NBEA: variants seen among roughly 807,000 people sequenced by gnomAD.
NBEA encodes the protein neurobeachin, also known as lysosomal-trafficking regulator 2.
Under a neutral mutation model 343.4 loss-of-function variants are expected in NBEA, and 44 were observed. That is an observed-to-expected ratio of 0.13 (90% CI 0.10 to 0.16). NBEA has a LOEUF of 0.16. Ranked by LOEUF, NBEA falls within the 10% of genes least tolerant of loss-of-function variation. NBEA has a pLI of 1.00. For missense variants in NBEA, 2,555 were observed against 3,631.3 expected (o/e 0.70, Z 7.62); for synonymous variants, 1,175 against 1,238.7 (o/e 0.95, Z 1.08).
At chr13:35,334,178 TC>T (rs1299720423) in intron 36 of NBEA, among the ~76,000 whole-genome samples, 2 of 152,234 alleles carry the variant, frequency 1.3e-5, no homozygotes, top group Non-Finnish European at 2.9e-5. Context: ...GTATGAGGGT[TC>T]CTTTTTCTCC....
chr13:35,321,796 A>C (rs187621343), intron 36 of NBEA, among the ~76,000 whole-genome samples: 1 of 152,186 alleles, frequency 6.6e-6, no homozygotes, highest in African/African-American at 2.4e-5. Flanking sequence ...TACTCTGCCC[A>C]GAGATGAAGA....
rs936501193 is a variant in NBEA, at chr13:35,374,388, G to A, written c.6179+22065G>A. ...TCACTAATCACAGATTACCATAACA[G>A]ATATTTTAGAAAGTTTTAAATATTG... On this transcript the variant is annotated intron_variant, in intron 38 of 58. Coordinates refer to ENST00000379939, the MANE Select transcript of NBEA (RefSeq NM_001385012.1). Among the ~76,000 whole-genome samples the A allele has an allele frequency of 1.3e-4, 20 of 152,288 alleles. 1 individual carries two copies. Among genetic ancestry groups the A allele is most frequent in the South Asian group, 4.1e-4 (2 of 4,824 alleles).
At position 35,407,656 on chromosome 13, in the gene NBEA, C is replaced by A. The variant is rs376726315; in HGVS notation, c.6180-24613C>A. Among the ~76,000 whole-genome samples the A allele has an allele frequency of 7.2e-5, 11 of 152,128 alleles. No homozygotes were observed. The East Asian group carries it at 1.9e-3, about 27-fold the overall frequency. On this transcript the variant is annotated intron_variant, in intron 38 of 58. Transcript: ENST00000379939. Reference sequence around the variant, plus strand: ...CTTTAACATTTCTGGTATAAATATACCTTGTCCTTTAAAAATTACTGCATA... The same window carrying A: ...CTTTAACATTTCTGGTATAAATATAACTTGTCCTTTAAAAATTACTGCATA...
chr13:34,954,528 A>G (rs1156418646), intron 1 of NBEA, among the ~76,000 whole-genome samples: 1 of 151,772 alleles, frequency 6.6e-6, no homozygotes, highest in African/African-American at 2.4e-5. Flanking sequence ...TAATTTCTAC[A>G]TTTTCCTCTT....
intron 10 of NBEA, among the ~76,000 whole-genome samples, chr13:35,072,490 A>G (rs2063914676): frequency 6.6e-6 from 1 of 152,024 alleles, no homozygotes; most frequent in African/African-American, 2.4e-5. Flanking sequence ...AATCATCCTA[A>G]TATTTCCCTA....
At chr13:35,506,644 T>G (rs371224125) in intron 41 of NBEA, among the ~76,000 whole-genome samples, 3 of 152,182 alleles carry the variant, frequency 2.0e-5, no homozygotes, top group Admixed American at 1.3e-4. Flanking sequence ...CTAAGTAAAT[T>G]ACCCCACAAA....
chr13:35,276,581 G>T (rs745333019), intron 34 of NBEA, among the ~76,000 whole-genome samples: 2 of 152,138 alleles, frequency 1.3e-5, no homozygotes, highest in African/African-American at 2.4e-5. Context: ...GCTAAGCATG[G>T]AATTAATGTT....
intron 41 of NBEA, among the ~76,000 whole-genome samples, chr13:35,490,077 G>A (rs2076447705): frequency 6.6e-6 from 1 of 151,774 alleles, no homozygotes; most frequent in South Asian, 2.1e-4. Flanking sequence ...TTCAATGAGT[G>A]GCACTTTTGT....
intron 36 of NBEA, among the ~76,000 whole-genome samples, chr13:35,345,796 T>C (rs2039837884): frequency 6.6e-6 from 1 of 152,032 alleles, no homozygotes; most frequent in African/African-American, 2.4e-5. Context: ...GAGATCATGA[T>C]CTGAGAGTAG....
At chr13:35,089,731 T>TA (rs1257941967) in intron 10 of NBEA, among the ~76,000 whole-genome samples, 1 of 145,128 alleles carries the variant, frequency 6.9e-6, no homozygotes, top group Non-Finnish European at 1.5e-5. Flanking sequence ...TATGCAGCCA[T>TA]AAAAAATGAT....
At chr13:35,434,816 C>G (rs1213442709) in intron 39 of NBEA, among the ~76,000 whole-genome samples, 1 of 152,062 alleles carries the variant, frequency 6.6e-6, no homozygotes, top group Non-Finnish European at 1.5e-5. Flanking sequence ...GCACTCTAAC[C>G]TATATAGAAA....
At chr13:35,442,300 A>T (rs1461974) in intron 39 of NBEA, among the ~76,000 whole-genome samples, 81,500 of 151,864 alleles carry the variant, frequency 0.54, 23,721 homozygotes, top group African/African-American at 0.76. Flanking sequence ...AGTTCCAAAA[A>T]GACGCAAGTT....
chr13:35,230,106 A>G (rs570668269), intron 33 of NBEA, among the ~76,000 whole-genome samples: 15 of 152,238 alleles, frequency 9.9e-5, no homozygotes, highest in Middle Eastern at 6.8e-3. Flanking sequence ...AATAAATTTT[A>G]TAAGAAAATA....
intron 30 of NBEA, chr13:35,185,374 A>G (rs2071620878): frequency 6.6e-6 from 1 of 152,182 alleles, no homozygotes; most frequent in African/African-American, 2.4e-5. Flanking sequence ...AAATAAAGCT[A>G]GCAAAATATT....
In NBEA at chr13:35,554,997, T is replaced by C. The variant is rs894274259; in HGVS notation, c.6817T>C (p.Leu2273=). Residue 2273 remains leucine (L), a synonymous_variant, in exon 44 of 59, where the codon TTG becomes CTG. Coordinates refer to ENST00000379939, the MANE Select transcript of NBEA (RefSeq NM_001385012.1). ...YGLPQARRIS[L]ATPRQLYKSS... ...GTGCTTAATTGCTAGGAGGATATCA[T>C]TGGCCACTCCTCGACAGCTTTATAA... 1 of 1,602,666 alleles carries C rather than the reference T, an allele frequency of 6.2e-7. No homozygotes were observed. The highest frequency in any genetic ancestry group is 8.5e-7 in the Non-Finnish European group (1 of 1,171,270).
chr13:35,385,125 G>A (rs1486212389), intron 38 of NBEA, among the ~76,000 whole-genome samples: 1 of 152,032 alleles, frequency 6.6e-6, no homozygotes, highest in Admixed American at 6.6e-5. Flanking sequence ...AGTCTCTGCT[G>A]CATTAAAATT....
intron 38 of NBEA, among the ~76,000 whole-genome samples, chr13:35,402,120 C>A (rs2043029686): frequency 6.6e-6 from 1 of 151,698 alleles, no homozygotes; most frequent in African/African-American, 2.4e-5. Context: ...AAAAGGTGAA[C>A]AAGAAAATAT....
intron 33 of NBEA, among the ~76,000 whole-genome samples, chr13:35,212,089 G>C (rs940855081): frequency 2.0e-5 from 3 of 151,918 alleles, no homozygotes; most frequent in Non-Finnish European, 4.4e-5. Context: ...CTTATTGAAA[G>C]AATGAACACA....
At chr13:35,352,794 C>T (rs1384123050) in intron 38 of NBEA, among the ~76,000 whole-genome samples, 1 of 151,972 alleles carries the variant, frequency 6.6e-6, no homozygotes, top group African/African-American at 2.4e-5. Flanking sequence ...TTCAGTCTTA[C>T]CAAGGGAAGA....
Sources: allele counts gnomAD v4.1 joint callset (sites outside exome capture counted in the v4.1 genomes callset), GRCh38; gene constraint gnomAD v4.1.1; transcripts MANE v1.5; gene names NCBI Gene and HGNC (gene_info 2026-07-23, HGNC 2026-07-21).